NKAIN2: variants seen among roughly 807,000 people sequenced by gnomAD.
The protein encoded by NKAIN2 is sodium/potassium-transporting ATPase subunit beta-1-interacting protein 2.
Under a neutral mutation model 32.6 loss-of-function variants are expected in NKAIN2, and 14 were observed. The ratio of observed to expected loss-of-function variants is 0.43; its 90% CI spans 0.28 to 0.67. The LOEUF (loss-of-function observed/expected upper bound fraction) is 0.67, where lower values mean the gene tolerates loss of function less well. Among genes scored for constraint, NKAIN2 ranks in the 30% least tolerant of loss-of-function variants. The pLI is 0.17. For synonymous variants in NKAIN2, 80 were observed against 87.2 expected (o/e 0.92, Z 0.46); for missense variants, 198 against 258.3 (o/e 0.77, Z 1.60).
chr6:123,997,323 A>C (rs1779660772), intron 1 of NKAIN2, among the ~76,000 whole-genome samples: 3 of 152,172 alleles, frequency 2.0e-5, no homozygotes, highest in African/African-American at 7.2e-5. Context: ...TGTTTTATTT[A>C]ATTCATTGCT....
chr6:124,231,146 G>T (rs1317933369), intron 1 of NKAIN2, among the ~76,000 whole-genome samples: 1 of 152,236 alleles, frequency 6.6e-6, no homozygotes. Context: ...TCATTTTGGA[G>T]CTTTAAGATT....
In NKAIN2 at chr6:124,550,514, G is replaced by A. The variant is rs554910319; in HGVS notation, c.274-107672G>A. ...CCAAAGGGCCCTGGTTACTTTTATT[G>A]GAAAATGGTATTTAGAAACTGCCAT... On this transcript the variant is annotated intron_variant, in intron 3 of 6. Coordinates refer to ENST00000368417, the MANE Select transcript of NKAIN2 (RefSeq NM_001040214.3). Among the ~76,000 whole-genome samples the A allele has an allele frequency of 1.2e-4, 19 of 152,174 alleles. 1 individual carries two copies. The South Asian group carries it at 3.9e-3, about 32-fold the overall frequency.
At chr6:124,408,930 T>G (rs1267055808) in intron 3 of NKAIN2, among the ~76,000 whole-genome samples, 2 of 152,186 alleles carry the variant, frequency 1.3e-5, no homozygotes, top group East Asian at 1.9e-4. Flanking sequence ...GTAAGTTGGA[T>G]TCCTAGGTAT....
chr6:124,184,107 A>G (rs1789589869), intron 1 of NKAIN2, among the ~76,000 whole-genome samples: 1 of 152,182 alleles, frequency 6.6e-6, no homozygotes, highest in Non-Finnish European at 1.5e-5. Context: ...CAAATTATGC[A>G]AAGAAGACAC....
intron 3 of NKAIN2, among the ~76,000 whole-genome samples, chr6:124,449,742 G>C (rs9385335): frequency 6.6e-6 from 1 of 151,898 alleles, no homozygotes; most frequent in African/African-American, 2.4e-5. Context: ...ATAAAGTTTT[G>C]TTGAAGGCAT....
chr6:124,349,489 C>G (rs1464660832), intron 2 of NKAIN2, among the ~76,000 whole-genome samples: 1 of 152,128 alleles, frequency 6.6e-6, no homozygotes, highest in Non-Finnish European at 1.5e-5. Flanking sequence ...TAAAAACATT[C>G]CTATAGATTG....
At chr6:124,033,562 A>T (rs1781490796) in intron 1 of NKAIN2, among the ~76,000 whole-genome samples, 1 of 152,112 alleles carries the variant, frequency 6.6e-6, no homozygotes, top group Non-Finnish European at 1.5e-5. Flanking sequence ...ACAAAAGTTA[A>T]ATCACATTTG....
chr6:124,256,245 C>G (rs192442879), intron 1 of NKAIN2, among the ~76,000 whole-genome samples: 117 of 152,200 alleles, frequency 7.7e-4, no homozygotes, highest in Non-Finnish European at 7.2e-4. Context: ...ATAAATTTTT[C>G]TTAGGAAAAC....
At chr6:124,390,622 T>G (rs1166677797) in intron 3 of NKAIN2, 1 of 152,126 alleles carries the variant, frequency 6.6e-6, no homozygotes, top group East Asian at 1.9e-4. Flanking sequence ...CAGAATAGAT[T>G]AGGAAAAGTC....
At chr6:124,218,999 G>T (rs1429462679) in intron 1 of NKAIN2, among the ~76,000 whole-genome samples, 7 of 152,134 alleles carry the variant, frequency 4.6e-5, no homozygotes, top group Non-Finnish European at 8.8e-5. Context: ...CAGCAGGAGA[G>T]AGAATAGTGA....
intron 1 of NKAIN2, among the ~76,000 whole-genome samples, chr6:124,073,354 A>G (rs1483372845): frequency 6.6e-6 from 1 of 152,220 alleles, no homozygotes; most frequent in African/African-American, 2.4e-5. Context: ...AGTTCAGTAA[A>G]TATTTGCTAA....
chr6:124,510,852 C>A (rs1288332824), intron 3 of NKAIN2, among the ~76,000 whole-genome samples: 2 of 152,088 alleles, frequency 1.3e-5, no homozygotes, highest in Non-Finnish European at 2.9e-5. Flanking sequence ...TAACTTCCCA[C>A]AAAATATCAA....
chr6:124,058,572 C>G (rs1184574768), intron 1 of NKAIN2, among the ~76,000 whole-genome samples: 1 of 151,966 alleles, frequency 6.6e-6, no homozygotes, highest in African/African-American at 2.4e-5. Flanking sequence ...GGGCACATTG[C>G]TTGCCCTCAA....
intron 4 of NKAIN2, among the ~76,000 whole-genome samples, chr6:124,783,711 A>G (rs974014511): frequency 3.3e-5 from 5 of 152,200 alleles, no homozygotes; most frequent in Admixed American, 2.0e-4. Context: ...AAAGACCTTC[A>G]TTAATAACAC....
chr6:124,383,129 A>G (rs769803832), intron 3 of NKAIN2, among the ~76,000 whole-genome samples: 5 of 152,164 alleles, frequency 3.3e-5, no homozygotes, highest in Non-Finnish European at 5.9e-5. Context: ...AAACTGGGGA[A>G]TCCACTAGGA....
At chr6:124,002,949 C>T (rs541108397) in intron 1 of NKAIN2, among the ~76,000 whole-genome samples, 47 of 152,132 alleles carry the variant, frequency 3.1e-4, no homozygotes, top group Non-Finnish European at 4.4e-4. Context: ...TATAAAAACA[C>T]AAGGATGACT....
intron 3 of NKAIN2, among the ~76,000 whole-genome samples, chr6:124,500,286 T>C (rs1778233802): frequency 6.6e-6 from 1 of 152,128 alleles, no homozygotes; most frequent in South Asian, 2.1e-4. Flanking sequence ...CAAATGTGTG[T>C]CCACATTGCA....
chr6:124,659,477 A>G (rs1784665158), intron 4 of NKAIN2, among the ~76,000 whole-genome samples: 1 of 147,962 alleles, frequency 6.8e-6, no homozygotes, highest in African/African-American at 2.4e-5. Flanking sequence ...TCCTTGTTAT[A>G]TTTTTAATGG....
chr6:124,254,250 C>G (rs1793822296), intron 1 of NKAIN2, among the ~76,000 whole-genome samples: 1 of 152,122 alleles, frequency 6.6e-6, no homozygotes. Flanking sequence ...CCATGCCTGG[C>G]CTAAGTGTTC....
Sources: gnomAD v4.1 joint callset for allele counts (sites outside exome capture counted in the v4.1 genomes callset) on GRCh38, gnomAD v4.1.1 for gene constraint, MANE v1.5 for transcripts, NCBI Gene and HGNC (gene_info 2026-07-23, HGNC 2026-07-21) for gene names.